GULP1: variants seen among roughly 807,000 people sequenced by gnomAD.
GULP1 encodes PTB domain-containing engulfment adapter protein 1.
In GULP1, 19 loss-of-function variants were observed where a neutral mutation model predicts 40.9. The observed-to-expected ratio is 0.46, with a 90% CI of 0.32 to 0.68. GULP1 has a LOEUF of 0.68. Among genes scored for constraint, GULP1 ranks in the 30% least tolerant of loss-of-function variants. GULP1 has a pLI of 0.03. For missense variants in GULP1, 312 were observed against 362.2 expected (o/e 0.86, Z 1.12); for synonymous variants, 119 against 117.6 (o/e 1.01, Z -0.08).
chr2:188,522,702 T>G (rs1186486113), intron 4 of GULP1, 54 bp from the exon 5 acceptor site: 1 of 1,026,296 alleles, frequency 9.7e-7, no homozygotes, highest in African/African-American at 1.6e-5. Flanking sequence ...TTCAACATGA[T>G]GCAATGATAT....
intron 2 of GULP1, among the ~76,000 whole-genome samples, chr2:188,465,131 C>T (rs1452872982): frequency 6.6e-6 from 1 of 151,962 alleles, no homozygotes; most frequent in Non-Finnish European, 1.5e-5. Context: ...CACCTGAAGC[C>T]AGTAAGTCTC....
chr2:188,380,520 A>G (rs2048880627), intron 1 of GULP1, among the ~76,000 whole-genome samples: 1 of 152,142 alleles, frequency 6.6e-6, no homozygotes, highest in South Asian at 2.1e-4. Context: ...TGGGGATTGA[A>G]CGTTTACTTA....
chr2:188,422,164 G>T, intron 2 of GULP1, among the ~76,000 whole-genome samples: 1 of 140,540 alleles, frequency 7.1e-6, no homozygotes, highest in African/African-American at 2.7e-5. Context: ...AATCAATCAT[G>T]TTGTATATCT....
At chr2:188,520,260 G>A (rs1313150073) in intron 4 of GULP1, among the ~76,000 whole-genome samples, 1 of 152,056 alleles carries the variant, frequency 6.6e-6, no homozygotes, top group South Asian at 2.1e-4. Context: ...ACTATTGGCC[G>A]GGCGTGGTGG....
At chr2:188,549,544 A>G (rs541818129) in intron 7 of GULP1, among the ~76,000 whole-genome samples, 1 of 151,990 alleles carries the variant, frequency 6.6e-6, no homozygotes, top group Non-Finnish European at 1.5e-5. Flanking sequence ...GCTGATGGAG[A>G]TATAAAATGG....
chr2:188,547,007 ATTATT>A (rs1692137915), intron 7 of GULP1, among the ~76,000 whole-genome samples: 1 of 152,042 alleles, frequency 6.6e-6, no homozygotes, highest in Non-Finnish European at 1.5e-5. Context: ...TATTAAATAG[ATTATT>A]TTAATAGCCT....
chr2:188,529,250 C>A, intron 6 of GULP1, 55 bp downstream of exon 6: 3 of 834,024 alleles, frequency 3.6e-6, no homozygotes, highest in South Asian at 1.6e-5. Flanking sequence ...CAATTATATT[C>A]CTACTTTAAC....
intron 5 of GULP1, among the ~76,000 whole-genome samples, chr2:188,526,498 G>A (rs1254302238): frequency 6.6e-6 from 1 of 152,064 alleles, no homozygotes; most frequent in African/African-American, 2.4e-5. Context: ...ATCTTCCTAA[G>A]ATTAATTAGA....
At chr2:188,426,720 A>G (rs2056248553) in intron 2 of GULP1, among the ~76,000 whole-genome samples, 1 of 152,176 alleles carries the variant, frequency 6.6e-6, no homozygotes. Flanking sequence ...GAGTTTCTTT[A>G]TAGCAATGTG....
chr2:188,318,253 T>C (rs78717520), intron 1 of GULP1, among the ~76,000 whole-genome samples: 2,389 of 151,420 alleles, frequency 0.016, 70 homozygotes, highest in African/African-American at 0.055. Context: ...TTTTAGTGAA[T>C]CAGAGTAAGT....
chr2:188,421,134 T>C (rs1021690422), intron 2 of GULP1, among the ~76,000 whole-genome samples: 2 of 152,168 alleles, frequency 1.3e-5, no homozygotes, highest in Non-Finnish European at 2.9e-5. Context: ...ATTGATGACA[T>C]GATCCTATAT....
intron 1 of GULP1, among the ~76,000 whole-genome samples, chr2:188,377,310 T>C (rs938448328): frequency 2.0e-5 from 3 of 152,254 alleles, no homozygotes; most frequent in Non-Finnish European, 2.9e-5. Context: ...TGTATATTGC[T>C]GAGTTTTTAT....
At chr2:188,419,464 AC>A (rs1318832409) in intron 2 of GULP1, among the ~76,000 whole-genome samples, 1 of 150,946 alleles carries the variant, frequency 6.6e-6, no homozygotes, top group Non-Finnish European at 1.5e-5. Context: ...GATGCTGAGA[AC>A]CTTTTCATGT....
chr2:188,317,927 C>G (rs1456684614), intron 1 of GULP1, among the ~76,000 whole-genome samples: 1 of 151,696 alleles, frequency 6.6e-6, no homozygotes, highest in Non-Finnish European at 1.5e-5. Flanking sequence ...TTTTTCTTTT[C>G]CAGTTTTTCA....
intron 7 of GULP1, among the ~76,000 whole-genome samples, chr2:188,557,304 A>G (rs1576068514): frequency 3.3e-5 from 5 of 152,222 alleles, no homozygotes; most frequent in Admixed American, 3.3e-4. Context: ...CCTTTCACTT[A>G]TGAGACTGCA....
chr2:188,441,646 C>A (rs10179448), intron 2 of GULP1, among the ~76,000 whole-genome samples: 8,139 of 152,188 alleles, frequency 0.053, 720 homozygotes, highest in African/African-American at 0.18. Flanking sequence ...ATCTTCCTAT[C>A]TTCATAAAAT....
intron 4 of GULP1, among the ~76,000 whole-genome samples, chr2:188,518,310 G>T (rs1209073750): frequency 6.6e-6 from 1 of 152,132 alleles, no homozygotes; most frequent in African/African-American, 2.4e-5. Flanking sequence ...GTAGACATCA[G>T]CTGGAGCCAC....
At chr2:188,338,965 T>A (rs1179990773) in intron 1 of GULP1, among the ~76,000 whole-genome samples, 1 of 152,196 alleles carries the variant, frequency 6.6e-6, no homozygotes, top group Admixed American at 6.5e-5. Flanking sequence ...TAAGTTTTTC[T>A]TTTTTATTGA....
intron 4 of GULP1, among the ~76,000 whole-genome samples, chr2:188,495,550 C>A (rs191193267): frequency 1.7e-4 from 26 of 152,156 alleles, no homozygotes; most frequent in African/African-American, 6.0e-4. Context: ...AAAGGACCAA[C>A]AGTTTAGAAC....
Sources: allele counts gnomAD v4.1 joint callset (sites outside exome capture counted in the v4.1 genomes callset), GRCh38; gene constraint gnomAD v4.1.1; transcripts MANE v1.5; gene names NCBI Gene and HGNC (gene_info 2026-07-23, HGNC 2026-07-21).